SHROOM4: variants seen among roughly 807,000 people sequenced by gnomAD.
The protein encoded by SHROOM4 is protein Shroom4.
Under a neutral mutation model 80.3 loss-of-function variants are expected in SHROOM4, and 17 were observed. That is an observed-to-expected ratio of 0.21 (90% CI 0.14 to 0.32). The LOEUF (loss-of-function observed/expected upper bound fraction) is 0.32, where lower values mean the gene tolerates loss of function less well. SHROOM4 is among the 10% of genes least tolerant of loss of function. The probability of loss-of-function intolerance (pLI) is 1.00; values close to 1 mark genes in which losing one functional copy is unlikely to be tolerated. For synonymous variants in SHROOM4, 400 were observed against 437.5 expected, an observed-to-expected ratio of 0.91 and a Z score of 1.07; for missense variants, 993 against 1,140.3, an observed-to-expected ratio of 0.87 and a Z score of 1.86.
intron 1 of SHROOM4, among the ~76,000 whole-genome samples, chrX:50,809,444 T>C (rs1396372307): frequency 1.8e-5 from 2 of 112,555 alleles, no homozygotes; most frequent in African/African-American, 6.5e-5. Context: ...GAGCATGCCC[T>C]GCCACTGTCC....
At chrX:50,629,737 T>G (rs1930965641) in intron 4 of SHROOM4, among the ~76,000 whole-genome samples, 1 of 111,751 alleles carries the variant, frequency 8.9e-6, no homozygotes, top group South Asian at 3.8e-4. Context: ...CAAGCTGGTA[T>G]GAAGGACGTG....
At chrX:50,766,368 G>A (rs1293132936) in intron 1 of SHROOM4, among the ~76,000 whole-genome samples, 9 of 110,928 alleles carry the variant, frequency 8.1e-5, no homozygotes, top group Non-Finnish European at 1.7e-4. Context: ...ACACACACAG[G>A]ATCACAGTCT....
Position 50,598,497 on chromosome X carries a change from G to C in SHROOM4, c.3981C>G (p.Val1327=). 8.3e-7 allele frequency: 1 copy of C among 1,206,925 alleles called. No individual in the cohort carries two copies. The highest frequency in any genetic ancestry group is 3.0e-5 in the East Asian group (1 of 33,668). ...LIESISRKLS[V]LREAQRGLLE... ...GCAGCCCTCGCTGGGCCTCCCGCAAGACAGAAAGTTTTCTGCTGATGCTTT... is the reference window on the plus strand; with the variant it reads ...GCAGCCCTCGCTGGGCCTCCCGCAACACAGAAAGTTTTCTGCTGATGCTTT... The change falls in exon 8 of 9, where the codon GTC becomes GTG. Residue 1327 remains valine (V), a synonymous_variant. Transcript: ENST00000376020.
At chrX:50,681,466 C>T (rs1229898872) in intron 2 of SHROOM4, among the ~76,000 whole-genome samples, 3 of 111,269 alleles carry the variant, frequency 2.7e-5, no homozygotes, top group African/African-American at 9.8e-5. Context: ...AGCTCTTGTA[C>T]TTGATATTCT....
chrX:50,726,801 A>G (rs1557265921), intron 1 of SHROOM4, among the ~76,000 whole-genome samples: 1 of 113,083 alleles, frequency 8.8e-6, no homozygotes, highest in Non-Finnish European at 1.9e-5. Context: ...GAGAACCTCT[A>G]CTAGGGCAGT....
chrX:50,638,301 C>A lies in SHROOM4; in HGVS notation c.277G>T (p.Ala93Ser). The A allele has an allele frequency of 8.3e-7, 1 of 1,211,706 alleles. No homozygotes were observed. Among genetic ancestry groups the A allele is most frequent in the Non-Finnish European group, 1.1e-6 (1 of 895,367 alleles). ...CATGAGTGCGGCCTACTGACAGGGGCGTTCCTCCTACAGCAAGAAAGGGAC... is the reference window on the plus strand; with the variant it reads ...CATGAGTGCGGCCTACTGACAGGGGAGTTCCTCCTACAGCAAGAAAGGGAC... ...ILKLIVRRRNAPVSRPHSWHV... is the reference protein window; with the variant it reads ...ILKLIVRRRNSPVSRPHSWHV... The change falls in exon 3 of 9, where the codon GCC (alanine) becomes TCC (serine). Residue 93 changes from alanine to serine, a missense_variant. Physicochemically the swap from Ala to Ser is moderately conservative, Grantham distance 99 (BLOSUM62 1). Transcript: ENST00000376020.
intron 1 of SHROOM4, among the ~76,000 whole-genome samples, chrX:50,748,430 T>A (rs1443284670): frequency 1.8e-5 from 2 of 111,887 alleles, no homozygotes; most frequent in African/African-American, 6.5e-5. Flanking sequence ...TTTTGTGTGG[T>A]TCCAAAGGCT....
At chrX:50,621,954 G>A (rs1930592211) in intron 5 of SHROOM4, among the ~76,000 whole-genome samples, 2 of 111,976 alleles carry the variant, frequency 1.8e-5, no homozygotes, top group Admixed American at 1.9e-4. Flanking sequence ...CTTACTTGCT[G>A]TATAATCCCA....
At position 50,596,877 on chromosome X, in the gene SHROOM4, A is replaced by T. The variant is rs1557246778; in HGVS notation, c.4300T>A (p.Leu1434Met). The T allele has an allele frequency of 8.3e-7, 1 of 1,210,876 alleles. No homozygotes were observed. The change falls in exon 9 of 9, where the codon TTG becomes ATG. Residue 1434 changes from leucine to methionine, a missense_variant. By Grantham distance (15) the Leu-to-Met change is conservative. Transcript: ENST00000376020. ...TAGCGGGAGACCATGCCAAACACCA[A>T]CTTCTCCCGGCGGTCCACGTGCTCC... ...LKEHVDRREK[L>M]VFGMVSRYLP...
At chrX:50,714,531 T>C (rs781993126) in intron 1 of SHROOM4, among the ~76,000 whole-genome samples, 12 of 111,746 alleles carry the variant, frequency 1.1e-4, no homozygotes, top group Admixed American at 4.8e-4. Flanking sequence ...AATATTCACA[T>C]GTACCTCTTA....
At chrX:50,673,702 A>G (rs1932822629) in intron 2 of SHROOM4, among the ~76,000 whole-genome samples, 1 of 110,770 alleles carries the variant, frequency 9.0e-6, no homozygotes, top group African/African-American at 3.3e-5. Context: ...CAAAAAATAT[A>G]CTATGTAGAT....
intron 7 of SHROOM4, among the ~76,000 whole-genome samples, chrX:50,598,969 G>C (rs1929259881): frequency 9.2e-6 from 1 of 109,101 alleles, no homozygotes; most frequent in Non-Finnish European, 1.9e-5. Flanking sequence ...GAGGTTACAG[G>C]TGCATGTCAT....
intron 5 of SHROOM4, 76 bp downstream of exon 5, chrX:50,627,538 A>G: frequency 1.0e-6 from 1 of 960,610 alleles, no homozygotes; most frequent in Non-Finnish European, 1.5e-6. Context: ...GAAACTAAGC[A>G]AACCAAAGAC....
chrX:50,690,818 T>C (rs1432520332), intron 2 of SHROOM4, among the ~76,000 whole-genome samples: 4 of 111,275 alleles, frequency 3.6e-5, no homozygotes, highest in Non-Finnish European at 7.5e-5. Context: ...AATGCAAAAA[T>C]TATCTGGGTG....
intron 1 of SHROOM4, among the ~76,000 whole-genome samples, chrX:50,698,393 G>A (rs1933429709): frequency 9.0e-6 from 1 of 111,209 alleles, no homozygotes; most frequent in South Asian, 3.8e-4. Flanking sequence ...GATATGTTAA[G>A]TGAAATAATC....
intron 2 of SHROOM4, among the ~76,000 whole-genome samples, chrX:50,683,589 A>T (rs1313951971): frequency 8.9e-6 from 1 of 111,827 alleles, no homozygotes; most frequent in African/African-American, 3.3e-5. Context: ...GACTTGCTCA[A>T]TTAGATATAG....
chrX:50,774,683 A>C (rs1226516000), intron 1 of SHROOM4, among the ~76,000 whole-genome samples: 3 of 110,644 alleles, frequency 2.7e-5, no homozygotes, highest in Non-Finnish European at 5.7e-5. Flanking sequence ...GAAAAAAAAA[A>C]AAAACAGAAA....
chrX:50,588,258 G>T lies in SHROOM4; in HGVS notation c.*8437C>A, dbSNP rs1928798642. ...TGCAGGTCCAAAAAATCTTGACCTG[G>T]TGCACACAGCAGGGTAGGTAAGGAA... is the stretch of plus-strand genomic sequence containing the variant. On this transcript the variant is annotated 3_prime_UTR_variant, in exon 9 of 9. Transcript: ENST00000376020. Among the ~76,000 whole-genome samples, 1 of 111,521 alleles carries T rather than the reference G, an allele frequency of 9.0e-6. No homozygotes were observed. The highest frequency in any genetic ancestry group is 1.9e-5 in the Non-Finnish European group (1 of 53,111).
intron 1 of SHROOM4, among the ~76,000 whole-genome samples, chrX:50,741,814 C>T (rs190759993): frequency 9.6e-4 from 106 of 110,525 alleles, no homozygotes; most frequent in African/African-American, 3.1e-3. Flanking sequence ...TGAGTGTTTC[C>T]CAGGTTTTTT....
Sources: allele counts gnomAD v4.1 joint callset (sites outside exome capture counted in the v4.1 genomes callset), GRCh38; gene constraint gnomAD v4.1.1; transcripts MANE v1.5; gene names NCBI Gene and HGNC (gene_info 2026-07-23, HGNC 2026-07-21).